ME3: variants seen among roughly 807,000 people sequenced by gnomAD.
The protein encoded by ME3 is malic enzyme 3, also known as NADP-dependent malic enzyme, mitochondrial.
Under a neutral mutation model 68.9 loss-of-function variants are expected in ME3, and 48 were observed. The observed-to-expected ratio is 0.70, with a 90% confidence interval of 0.55 to 0.89. The LOEUF (loss-of-function observed/expected upper bound fraction) is 0.89, where lower values mean the gene tolerates loss of function less well. Ranked by LOEUF, ME3 falls within the 40% of genes least tolerant of loss-of-function variation. ME3 has a pLI of 0.00. For synonymous variants in ME3, 320 were observed against 318.8 expected, an observed-to-expected ratio of 1.00 and a Z score of -0.04; for missense variants, 675 against 797.4, an observed-to-expected ratio of 0.85 and a Z score of 1.85.
intron 2 of ME3, among the ~76,000 whole-genome samples, chr11:86,597,707 C>T (rs541620000): frequency 4.1e-4 from 63 of 152,180 alleles, no homozygotes; most frequent in Admixed American, 1.6e-3. Context: ...AGATTTATTT[C>T]GAGCCAAATA....
Position 86,497,195 on chromosome 11 carries a change from G to T in ME3, c.705+768C>A, listed in dbSNP as rs575840125. On this transcript the variant is annotated intron_variant, in intron 6 of 14. Transcript: ENST00000543262. Reference sequence around the variant, plus strand: ...GATGGGATTTCACCATGTTGGTCAGGCTGGTCTCAAACTCCTGGCCTCAGG... The same window carrying T: ...GATGGGATTTCACCATGTTGGTCAGTCTGGTCTCAAACTCCTGGCCTCAGG... Among the ~76,000 whole-genome samples the T allele has an allele frequency of 3.9e-5, 6 of 152,238 alleles. No homozygotes were observed. The East Asian group carries it at 1.2e-3, about 29-fold the overall frequency.
intron 2 of ME3, among the ~76,000 whole-genome samples, chr11:86,634,787 G>C (rs144361760): frequency 6.6e-5 from 10 of 152,240 alleles, no homozygotes; most frequent in African/African-American, 2.2e-4. Flanking sequence ...TCTTATGGAA[G>C]GTTCCTTTGA....
intron 2 of ME3, among the ~76,000 whole-genome samples, chr11:86,669,490 A>G (rs1274573976): frequency 1.3e-5 from 2 of 152,062 alleles, no homozygotes; most frequent in Non-Finnish European, 2.9e-5. Context: ...TGGCGAAGGC[A>G]CCTCCTCAGA....
exon 12 of ME3, chr11:86,447,068 G>A (rs747688767): frequency 9.3e-6 from 15 of 1,613,702 alleles, no homozygotes; most frequent in Admixed American, 1.7e-5. Flanking sequence ...CGCTGACCTC[G>A]GTGACCCGGT....
chr11:86,541,500 T>C (rs1956048453), intron 4 of ME3, among the ~76,000 whole-genome samples: 1 of 152,142 alleles, frequency 6.6e-6, no homozygotes, highest in African/African-American at 2.4e-5. Flanking sequence ...AGTAGGTGGT[T>C]TTCCCCTCAC....
intron 4 of ME3, among the ~76,000 whole-genome samples, chr11:86,546,883 A>G (rs1485142868): frequency 1.3e-5 from 2 of 151,808 alleles, no homozygotes; most frequent in South Asian, 2.1e-4. Context: ...TTACTGCAGC[A>G]CTATTCACTA....
At chr11:86,656,913 A>G (rs1040769611) in intron 2 of ME3, among the ~76,000 whole-genome samples, 9 of 152,196 alleles carry the variant, frequency 5.9e-5, no homozygotes, top group South Asian at 4.1e-4. Context: ...TAAAACTACA[A>G]TGAGGTATCA....
At chr11:86,515,899 A>C (rs1426871568) in intron 4 of ME3, among the ~76,000 whole-genome samples, 1 of 152,218 alleles carries the variant, frequency 6.6e-6, no homozygotes, top group Non-Finnish European at 1.5e-5. Context: ...AGGAAGCCGC[A>C]GGCCAGGCTC....
intron 2 of ME3, among the ~76,000 whole-genome samples, chr11:86,614,047 A>G (rs1390042363): frequency 5.9e-5 from 9 of 152,234 alleles, no homozygotes; most frequent in Admixed American, 3.9e-4. Context: ...AGCTGGTGAC[A>G]TCACCCTACC....
Position 86,595,312 on chromosome 11 carries a change from G to T in ME3, c.184-35489C>A, listed in dbSNP as rs564907878. On this transcript the variant is annotated intron_variant, in intron 2 of 14. Coordinates refer to ENST00000543262, the Ensembl canonical transcript of ME3. ...ATATACATATATATATATATAGAGA[G>T]AGAGAGAGAGAGAGAGAGAGCTTAT... Among the ~76,000 whole-genome samples, 661 of 106,816 alleles carry T rather than the reference G, an allele frequency of 6.2e-3. 54 individuals are homozygous for T. The highest frequency in any genetic ancestry group is 0.04 in the East Asian group (135 of 3,404). The allele number at this position is 106,816 out of a possible 152,430, so 70.1% of individuals were successfully genotyped here.
intron 2 of ME3, among the ~76,000 whole-genome samples, chr11:86,621,825 T>C (rs1270995135): frequency 6.6e-6 from 1 of 152,018 alleles, no homozygotes; most frequent in African/African-American, 2.4e-5. Flanking sequence ...TAAATCAAAA[T>C]ATAAAACAAT....
At position 86,521,399 on chromosome 11, in the gene ME3, ACAAACAAACAAAACAAAAC is replaced by A. The variant is rs1210060331; in HGVS notation, c.468-12551_468-12533del. 4.6e-4 allele frequency among the ~76,000 whole-genome samples: 66 copies of A among 143,346 alleles called. 2 individuals are homozygous for A. The highest frequency in any genetic ancestry group is 3.5e-3 in the Middle Eastern group (1 of 284). 94.0% of individuals were successfully genotyped at this position (143,346 alleles called of 152,430 possible). A position where few individuals can be genotyped will look rare whatever the true frequency, so the allele number is the denominator to read the frequency against. ...GACAGAGCGAGACTCCATCTCAAAA[ACAAACAAACAAAACAAAAC>A]AAAACAAAACAAAAATAATAATAAT... On this transcript the variant is annotated intron_variant, in intron 4 of 14. Coordinates refer to ENST00000543262, the Ensembl canonical transcript of ME3.
At chr11:86,641,618 A>G (rs948747102) in intron 2 of ME3, among the ~76,000 whole-genome samples, 2 of 152,236 alleles carry the variant, frequency 1.3e-5, no homozygotes, top group Admixed American at 6.5e-5. Flanking sequence ...ACACAGGATC[A>G]AAGACTTGGA....
chr11:86,560,748 G>A (rs12794525), intron 2 of ME3, among the ~76,000 whole-genome samples: 1,796 of 61,728 alleles, frequency 0.029, 26 homozygotes, highest in South Asian at 0.051. Context: ...GTGTGTGTGT[G>A]TATATATATA....
intron 2 of ME3, among the ~76,000 whole-genome samples, chr11:86,569,776 T>G (rs528107486): frequency 4.6e-5 from 7 of 152,282 alleles, no homozygotes; most frequent in African/African-American, 1.7e-4. Context: ...ACTAGGAAAC[T>G]GAGGTTAGAG....
chr11:86,544,126 T>G (rs999122130), intron 4 of ME3, among the ~76,000 whole-genome samples: 1 of 152,186 alleles, frequency 6.6e-6, no homozygotes, highest in Non-Finnish European at 1.5e-5. Flanking sequence ...AGACACAACG[T>G]ACCAGAATCT....
In ME3 at chr11:86,465,188, A is replaced by G. The variant is rs557549197; in HGVS notation, c.822T>C (p.Asn274=). Residue 274 remains asparagine (N), a synonymous_variant, in exon 8 of 15, where the codon AAT becomes AAC. Transcript: ENST00000543262. ...CGAAGTCTTCAAATTGGATGAGGCA[A>G]TTTATTCCAAACCTGTGTGGAGGGA... 1.1e-5 allele frequency: 18 copies of G among 1,609,198 alleles called. No individual in the cohort carries two copies. The African/African-American group carries it at 2.4e-4, about 21-fold the overall frequency.
At chr11:86,650,668 C>T (rs149643181) in intron 2 of ME3, among the ~76,000 whole-genome samples, 16 of 152,286 alleles carry the variant, frequency 1.1e-4, no homozygotes, top group East Asian at 7.7e-4. Flanking sequence ...CCAGTGTGAG[C>T]GACACAGAAG....
At chr11:86,603,019 C>G (rs1433654758) in intron 2 of ME3, among the ~76,000 whole-genome samples, 1 of 151,148 alleles carries the variant, frequency 6.6e-6, no homozygotes, top group Non-Finnish European at 1.5e-5. Flanking sequence ...CTAGGCATTA[C>G]TTCAGGACAT....
Sources: gnomAD v4.1 joint callset for allele counts (sites outside exome capture counted in the v4.1 genomes callset) on GRCh38, gnomAD v4.1.1 for gene constraint, MANE v1.5 for transcripts, NCBI Gene and HGNC (gene_info 2026-07-23, HGNC 2026-07-21) for gene names.